SPINT1: variants seen among roughly 807,000 people sequenced by gnomAD.
SPINT1 encodes the protein serine peptidase inhibitor, Kunitz type 1.
In SPINT1, 38 loss-of-function variants were observed where a neutral mutation model predicts 53.7. The observed-to-expected ratio is 0.71, with a 90% CI of 0.55 to 0.93. The LOEUF (loss-of-function observed/expected upper bound fraction) is 0.93, where lower values mean the gene tolerates loss of function less well. SPINT1 is among the 40% of genes least tolerant of loss of function. The pLI, the probability that SPINT1 is intolerant of heterozygous loss-of-function variation, is 0.00. For synonymous variants in SPINT1, 283 were observed against 280.6 expected (o/e 1.01, Z -0.08); for missense variants, 645 against 692.9 (o/e 0.93, Z 0.78).
rs1459262501 is a variant in SPINT1, at chr15:40,853,834, A to G, written c.866A>G (p.Asn289Ser). The change falls in exon 5 of 11, where the codon AAC (asparagine) becomes AGC (serine). Residue 289 changes from asparagine (N) to serine (S), a missense_variant. Asn to Ser is a conservative substitution (Grantham distance 46, BLOSUM62 1). Coordinates refer to ENST00000562057, the MANE Select transcript of SPINT1 (RefSeq NM_003710.4). ...GGAGGCTGCTTGGGCAACAAGAACA[A>G]CTACCTTCGGGAAGAAGAGTGCATT... Reference protein sequence around the residue: ...VYGGCLGNKNNYLREEECILA... With the variant: ...VYGGCLGNKNSYLREEECILA... The G allele has an allele frequency of 6.2e-7, 1 of 1,614,098 alleles. No individual in the cohort carries two copies.
intron 2 of SPINT1, 62 bp from the exon 3 acceptor site, chr15:40,853,062 C>T: frequency 6.4e-7 from 1 of 1,569,918 alleles, no homozygotes; most frequent in Non-Finnish European, 8.6e-7. Context: ...CCACTTTGCT[C>T]CTGAGAGAAG....
chr15:40,852,875 A>T (rs1336536661), intron 2 of SPINT1, among the ~76,000 whole-genome samples: 2 of 138,268 alleles, frequency 1.4e-5, no homozygotes, highest in Non-Finnish European at 3.2e-5. Flanking sequence ...CATCTCTAAT[A>T]AAAAAAAAAA....
rs1411621362 is a variant in SPINT1, at chr15:40,844,102, C to T, written c.-150C>T. ...GGCCGAGCCCCAGCTCTCCGAGCAC[C>T]GGGTCGGAAGCCGCGACCCGAGCCG... On this transcript the variant is annotated 5_prime_UTR_variant, in exon 1 of 11. Transcript: ENST00000562057. The surrounding 1 kb of genome is among the most constrained non-coding windows in gnomAD (Gnocchi z 5.8). The T allele has an allele frequency of 4.6e-6, 2 of 433,666 alleles. No individual in the cohort carries two copies. Among genetic ancestry groups the T allele is most frequent in the Non-Finnish European group, 9.1e-6 (2 of 219,394 alleles). The allele number at this position is 433,666 out of a possible 1,614,324, so 26.9% of individuals were successfully genotyped here.
rs923204300 is a variant in SPINT1, at chr15:40,853,621, A to T, written c.736A>T (p.Thr246Ser). ...VTVTVLSTKQTEDYCLASNKV... is the reference protein window; with the variant it reads ...VTVTVLSTKQSEDYCLASNKV... Reference sequence around the variant, plus strand: ...AGTCACTGTGCTGTCCACCAAGCAGACAGAAGGTGAGGGAGGGGTGAGGAG... The same window carrying T: ...AGTCACTGTGCTGTCCACCAAGCAGTCAGAAGGTGAGGGAGGGGTGAGGAG... The change falls in exon 4 of 11, where the codon ACA (threonine) becomes TCA (serine). Residue 246 changes from threonine to serine, a missense_variant. Coordinates refer to ENST00000562057, the MANE Select transcript of SPINT1 (RefSeq NM_003710.4). The T allele has an allele frequency of 6.2e-7, 1 of 1,613,834 alleles. No homozygotes were observed. Among genetic ancestry groups the T allele is most frequent in the African/African-American group, 1.3e-5 (1 of 74,894 alleles).
intron 2 of SPINT1, among the ~76,000 whole-genome samples, chr15:40,847,659 C>T (rs1273028120): frequency 6.6e-6 from 1 of 152,118 alleles, no homozygotes; most frequent in Non-Finnish European, 1.5e-5. Context: ...TATTGCCACT[C>T]TAGCCCTTTG....
chr15:40,844,353 G>A lies in SPINT1; in HGVS notation c.-65-137G>A, dbSNP rs1433197973. The stretch of plus-strand genomic sequence containing the variant: ...TCCCTGGAGGGCGCGTGGGAGGGCC[G>A]GGCCCGTGCGCCCTCTTCGATCCTG... On this transcript the variant is annotated intron_variant, in intron 1 of 10. Transcript: ENST00000562057. The surrounding 1 kb of genome is among the most constrained non-coding windows in gnomAD (Gnocchi z 5.8). 7.7e-6 allele frequency: 5 copies of A among 649,950 alleles called. No homozygotes were observed. The highest frequency in any genetic ancestry group is 1.4e-5 in the Non-Finnish European group (5 of 369,128). The allele number at this position is 649,950 out of a possible 1,614,324, so 40.3% of individuals were successfully genotyped here.
At chr15:40,847,271 G>A (rs1891323371) in intron 2 of SPINT1, among the ~76,000 whole-genome samples, 1 of 152,156 alleles carries the variant, frequency 6.6e-6, no homozygotes. Flanking sequence ...TGTGTCAAGG[G>A]GTTTATTCTC....
At chr15:40,850,407 TG>T (rs1891423371) in intron 2 of SPINT1, among the ~76,000 whole-genome samples, 1 of 152,166 alleles carries the variant, frequency 6.6e-6, no homozygotes, top group African/African-American at 2.4e-5. Context: ...TAAGATATGG[TG>T]GGCTGGATTT....
At chr15:40,854,557 G>A (rs768359783) in intron 7 of SPINT1, 35 bp downstream of exon 7, 1 of 1,613,698 alleles carries the variant, frequency 6.2e-7, no homozygotes, top group Non-Finnish European at 8.5e-7. Flanking sequence ...TTGGGCAGCA[G>A]ACAGGGAGGT....
At position 40,854,504 on chromosome 15, in the gene SPINT1, G is replaced by A. The variant is rs199651027; in HGVS notation, c.1048G>A (p.Glu350Lys). The change falls in exon 7 of 11, where the codon GAG becomes AAG. Residue 350 changes from glutamate (E) to lysine (K), a missense_variant. Transcript: ENST00000562057. ...CCCCAACTGCCCCGACGCCTCCGAC[G>A]AGGCTGCCTGTGAAAAATGTGAGGC... is the stretch of plus-strand genomic sequence containing the variant. ...DTPNCPDASDEAACEKYTSGF... is the reference protein window; with the variant it reads ...DTPNCPDASDKAACEKYTSGF... 688 of 1,613,432 alleles carry A rather than the reference G, an allele frequency of 4.3e-4. 13 individuals carry two copies. In the South Asian group the frequency reaches 6.8e-3, roughly 16 times the overall value.
At position 40,852,910 on chromosome 15, in the gene SPINT1, A is replaced by G. The variant is rs534015209; in HGVS notation, c.476-214A>G. Among the ~76,000 whole-genome samples, 5 of 151,944 alleles carry G rather than the reference A, an allele frequency of 3.3e-5. No homozygotes were observed. The East Asian group carries it at 9.7e-4, about 29-fold the overall frequency. The stretch of plus-strand genomic sequence containing the variant: ...AAAAGGAAAGAAAGTGGGTTACAAC[A>G]TAAAAATATCTTCAGTATACCAAAA... On this transcript the variant is annotated intron_variant, in intron 2 of 10. Transcript: ENST00000562057.
At chr15:40,850,397 T>G (rs190080368) in intron 2 of SPINT1, among the ~76,000 whole-genome samples, 256 of 152,254 alleles carry the variant, frequency 1.7e-3, no homozygotes, top group African/African-American at 5.8e-3. Flanking sequence ...TTCCAAAATA[T>G]AAGATATGGT....
chr15:40,855,345 C>T (rs1172933865), intron 8 of SPINT1, among the ~76,000 whole-genome samples: 1 of 152,220 alleles, frequency 6.6e-6, no homozygotes, highest in Non-Finnish European at 1.5e-5. Flanking sequence ...GGAACCACTG[C>T]ACCTCAGCCT....
intron 2 of SPINT1, among the ~76,000 whole-genome samples, chr15:40,850,094 C>T (rs662236): frequency 0.63 from 95,579 of 152,036 alleles, 34,915 homozygotes; most frequent in Non-Finnish European, 0.78. Flanking sequence ...TTTTTTGAGA[C>T]GGAGTTTCGC....
intron 3 of SPINT1, 93 bp from the exon 4 acceptor site, chr15:40,853,396 C>A: frequency 6.2e-7 from 1 of 1,601,818 alleles, no homozygotes; most frequent in Non-Finnish European, 8.5e-7. Context: ...TCCCCCTGGC[C>A]TCCCCAGGGG....
chr15:40,845,318 ATTTTTTTTTTTTTTTT>A (rs34480117), intron 2 of SPINT1, among the ~76,000 whole-genome samples: 3 of 58,200 alleles, frequency 5.2e-5, no homozygotes, highest in African/African-American at 7.3e-5. Flanking sequence ...GACCCGGCTA[ATTTTTTTTTTTTTTTT>A]TTTTTTTTTT....
intron 3 of SPINT1, 117 bp from the exon 4 acceptor site, chr15:40,853,372 G>A (rs1891521171): frequency 3.8e-6 from 6 of 1,599,542 alleles, no homozygotes; most frequent in South Asian, 3.3e-5. Flanking sequence ...GGCTGAAGAT[G>A]CATTTAATCC....
In SPINT1 at chr15:40,854,536, G is replaced by T. The variant is rs575739063; in HGVS notation, c.1066+14G>T. ...CCTGTGAAAAATGTGAGGCCTGGGG[G>T]ATAGAGGGGGTTGGGCAGCAGACAG... is the stretch of plus-strand genomic sequence containing the variant. On this transcript the variant is annotated intron_variant, in intron 7 of 10. Transcript: ENST00000562057. The T allele has an allele frequency of 6.2e-7, 1 of 1,613,612 alleles. No individual in the cohort carries two copies. Among genetic ancestry groups the T allele is most frequent in the Non-Finnish European group, 8.5e-7 (1 of 1,179,822 alleles).
Position 40,853,058 on chromosome 15 carries a change from T to A in SPINT1, c.476-66T>A. 1.9e-6 allele frequency: 3 copies of A among 1,563,192 alleles called. No homozygotes were observed. The Admixed American group carries it at 5.6e-5, about 29-fold the overall frequency. ...GGCCCATACTTTCACCACCCCACTT[T>A]GCTCCTGAGAGAAGCCTGGTCCATC... On this transcript the variant is annotated intron_variant, in intron 2 of 10. Coordinates refer to ENST00000562057, the MANE Select transcript of SPINT1 (RefSeq NM_003710.4).
Sources: gnomAD v4.1 joint callset for allele counts (sites outside exome capture counted in the v4.1 genomes callset) on GRCh38, gnomAD v4.1.1 for gene constraint, Gnocchi (gnomAD v3.1) non-coding constraint, MANE v1.5 for transcripts, NCBI Gene and HGNC (gene_info 2026-07-23, HGNC 2026-07-21) for gene names.